Variants in PAPOLA observed in about 807,000 individuals in gnomAD.
The protein encoded by PAPOLA is poly(A) polymerase alpha, also known as polynucleotide adenylyltransferase alpha.
A neutral mutation model predicts 100.6 loss-of-function variants in PAPOLA; 15 were observed. That is an observed-to-expected ratio of 0.15 (90% CI 0.10 to 0.23). The LOEUF (loss-of-function observed/expected upper bound fraction) is 0.23, where lower values mean the gene tolerates loss of function less well. Ranked by LOEUF, PAPOLA falls within the 10% of genes least tolerant of loss-of-function variation. The pLI is 1.00. For synonymous variants in PAPOLA, 293 were observed against 300.0 expected, an observed-to-expected ratio of 0.98 and a Z score of 0.24; for missense variants, 533 against 884.2, an observed-to-expected ratio of 0.60 and a Z score of 5.04.
chr14:96,548,341 T>TAAAAAATGTAAAAAAATAAAA (rs1377933967), intron 16 of PAPOLA, among the ~76,000 whole-genome samples: 67 of 152,260 alleles, frequency 4.4e-4, no homozygotes, highest in African/African-American at 1.6e-3. Flanking sequence ...GTAAAAAATA[T>TAAAAAATGTAAAAAAATAAAA]AACGTATATT....
At chr14:96,510,864 A>G (rs894001928) in intron 1 of PAPOLA, among the ~76,000 whole-genome samples, 3 of 152,204 alleles carry the variant, frequency 2.0e-5, no homozygotes, top group Admixed American at 6.5e-5. Flanking sequence ...GTAAGCTACT[A>G]TCATGCCGTA....
intron 16 of PAPOLA, among the ~76,000 whole-genome samples, chr14:96,548,792 C>T (rs1035337835): frequency 6.6e-6 from 1 of 151,980 alleles, no homozygotes; most frequent in African/African-American, 2.4e-5. Flanking sequence ...GGCTGGTTGT[C>T]TGGGATTGGG....
chr14:96,552,224 A>C (rs1900899645), intron 16 of PAPOLA, among the ~76,000 whole-genome samples: 1 of 152,154 alleles, frequency 6.6e-6, no homozygotes, highest in Admixed American at 6.5e-5. Flanking sequence ...TACAGTCAGT[A>C]TGTACATTTA....
At chr14:96,521,778 A>G (rs1346569076) in intron 3 of PAPOLA, among the ~76,000 whole-genome samples, 2 of 150,834 alleles carry the variant, frequency 1.3e-5, no homozygotes, top group Non-Finnish European at 3.0e-5. Flanking sequence ...TGCCCGGCCT[A>G]TTTAGTTTTC....
At chr14:96,511,864 C>G (rs1897129518) in intron 1 of PAPOLA, among the ~76,000 whole-genome samples, 1 of 152,110 alleles carries the variant, frequency 6.6e-6, no homozygotes, top group Non-Finnish European at 1.5e-5. Flanking sequence ...ATAAATAAAG[C>G]AATATTTGCT....
intron 1 of PAPOLA, among the ~76,000 whole-genome samples, chr14:96,513,219 C>G (rs532441695): frequency 6.6e-6 from 1 of 152,104 alleles, no homozygotes; most frequent in African/African-American, 2.4e-5. Flanking sequence ...CAGGTGCATG[C>G]CACTACAGCT....
rs60248045 is a variant in PAPOLA at position 96,534,739 on chromosome 14, G to A, written c.909+176G>A. The A allele has an allele frequency of 1.7e-3, 2,443 of 1,424,000 alleles. 44 individuals carry two copies. The African/African-American group carries it at 0.031, about 18-fold the overall frequency. 88.2% of individuals were successfully genotyped at this position (1,424,000 alleles called of 1,614,324 possible). ...TCCTCAACTATAATTGATGTGAGAA[G>A]CATAATTATGTACCCTGTAAACCAC... On this transcript the variant is annotated intron_variant, in intron 10 of 21. Transcript: ENST00000216277.
intron 9 of PAPOLA, chr14:96,533,544 T>C: frequency 1.1e-6 from 1 of 898,658 alleles, no homozygotes; most frequent in African/African-American, 2.1e-5. Context: ...ATGTCAGAAT[T>C]TCTTTTTTTT....
chr14:96,537,926 C>T (rs1899672450), intron 12 of PAPOLA: 3 of 152,048 alleles, frequency 2.0e-5, no homozygotes, highest in Middle Eastern at 6.8e-3. Context: ...TGTTTTGTTT[C>T]TGTATCTTTT....
intron 1 of PAPOLA, among the ~76,000 whole-genome samples, chr14:96,511,017 A>G (rs1362105627): frequency 2.0e-5 from 3 of 152,244 alleles, no homozygotes; most frequent in Non-Finnish European, 4.4e-5. Context: ...TTAAACAGCA[A>G]ATTCTACTGT....
Position 96,552,421 on chromosome 14 carries a change from A to G in PAPOLA, c.1522-59A>G, listed in dbSNP as rs78069339. The G allele has an allele frequency of 5.5e-6, 8 of 1,447,612 alleles. No homozygotes were observed. The East Asian group carries it at 1.6e-4, about 29-fold the overall frequency. The allele number at this position is 1,447,612 out of a possible 1,614,324, so 89.7% of individuals were successfully genotyped here. ...CATATATGTTAAGTAAAAGGTTTCC[A>G]TGTTTCAACATTTGGATGAAATAAA... On this transcript the variant is annotated intron_variant, in intron 16 of 21. Coordinates refer to ENST00000216277, the MANE Select transcript of PAPOLA (RefSeq NM_032632.5).
intron 20 of PAPOLA, 109 bp downstream of exon 20, chr14:96,560,820 A>G: frequency 1.4e-6 from 1 of 728,168 alleles, no homozygotes; most frequent in African/African-American, 1.8e-5. Context: ...AGATTTTTTT[A>G]GTATTGTTTA....
intron 12 of PAPOLA, among the ~76,000 whole-genome samples, chr14:96,541,510 CATT>C (rs1899990213): frequency 6.6e-6 from 1 of 152,094 alleles, no homozygotes; most frequent in African/African-American, 2.4e-5. Context: ...GAAACTGAAT[CATT>C]GTAGTTACAT....
intron 1 of PAPOLA, among the ~76,000 whole-genome samples, chr14:96,505,705 G>A (rs1204689679): frequency 6.6e-6 from 1 of 152,200 alleles, no homozygotes; most frequent in East Asian, 1.9e-4. Flanking sequence ...TGGGGAGGGG[G>A]ACCACTGAGA....
intron 4 of PAPOLA, 128 bp from the exon 5 acceptor site, chr14:96,527,302 G>A (rs939922405): frequency 1.6e-6 from 1 of 613,884 alleles, no homozygotes. Flanking sequence ...TTTAAGTAAG[G>A]GGTGGAACAT....
chr14:96,522,068 C>T (rs1212767609), intron 3 of PAPOLA, among the ~76,000 whole-genome samples: 1 of 147,124 alleles, frequency 6.8e-6, no homozygotes, highest in Non-Finnish European at 1.5e-5. Context: ...TCCCAAAGTG[C>T]TTGGGATTAT....
chr14:96,555,773 A>G (rs1264749730), intron 17 of PAPOLA, 74 bp from the exon 18 acceptor site: 10 of 728,190 alleles, frequency 1.4e-5, no homozygotes, highest in Admixed American at 1.1e-4. Context: ...TATATATGTT[A>G]TAGATTATTG....
chr14:96,543,547 T>C (rs1280521172), intron 14 of PAPOLA, among the ~76,000 whole-genome samples: 1 of 151,818 alleles, frequency 6.6e-6, no homozygotes, highest in East Asian at 2.0e-4. Context: ...ACAGTATTCT[T>C]ATTGATTATA....
chr14:96,536,151 G>A, intron 11 of PAPOLA, 152 bp downstream of exon 11: 1 of 534,210 alleles, frequency 1.9e-6, no homozygotes, highest in African/African-American at 2.0e-5. Flanking sequence ...TTTGAGAACT[G>A]ACTTCAAAAA....
Sources: gnomAD v4.1 joint callset for allele counts (sites outside exome capture counted in the v4.1 genomes callset) on GRCh38, gnomAD v4.1.1 for gene constraint, MANE v1.5 for transcripts, NCBI Gene and HGNC (gene_info 2026-07-23, HGNC 2026-07-21) for gene names.